The following ITGAM variants were observed in gnomAD, a reference collection of about 807,000 sequenced individuals.
ITGAM encodes the protein integrin subunit alpha M, also known as integrin alpha-M.
A neutral mutation model predicts 137.5 loss-of-function variants in ITGAM; 79 were observed. The ratio of observed to expected loss-of-function variants is 0.57; its 90% CI spans 0.48 to 0.69. ITGAM has a LOEUF of 0.69. ITGAM is among the 30% of genes least tolerant of loss of function. The pLI, the probability that ITGAM is intolerant of heterozygous loss-of-function variation, is 0.00. For synonymous variants in ITGAM, 583 were observed against 592.3 expected (o/e 0.98, Z 0.23); for missense variants, 1,343 against 1,483.5 (o/e 0.91, Z 1.56).
At chr16:31,325,674 T>A in intron 21 of ITGAM, 52 bp downstream of exon 21, 2 of 1,579,156 alleles carry the variant, frequency 1.3e-6, no homozygotes, top group Non-Finnish European at 1.7e-6. Context: ...CTTTGGGGAT[T>A]CTTTTCTTCT....
In ITGAM at chr16:31,325,368, G is replaced by C; in HGVS notation, c.2469G>C (p.Pro823=). 6.2e-7 allele frequency: 1 copy of C among 1,613,746 alleles called. No individual in the cohort carries two copies. Residue 823 remains proline, a synonymous_variant, in exon 20 of 30, where the codon CCG becomes CCC. Transcript: ENST00000544665. Reference sequence around the variant, plus strand: ...GGACACAGGTCACCTTCTTCTTCCCGCTTGACCTGTCCTACCGGAAGGTGT... The same window carrying C: ...GGACACAGGTCACCTTCTTCTTCCCCCTTGACCTGTCCTACCGGAAGGTGT... ...SYRTQVTFFF[P]LDLSYRKVST... is the part of the protein sequence containing the mutation.
Position 31,276,998 on chromosome 16 carries a change from A to G in ITGAM, c.1162A>G (p.Thr388Ala). The change falls in exon 11 of 30, where the codon ACC (threonine) becomes GCC (alanine). Residue 388 changes from threonine (T) to alanine (A), a missense_variant. Thr to Ala is a moderately conservative substitution (Grantham distance 58). Transcript: ENST00000544665. The part of the protein sequence containing the change: ...VFLYTSKEKS[T>A]FINMTRVDSD... ...TCTATATACATCAAAGGAGAAAAGC[A>G]CCTTCATCAACATGACCAGAGTGGA... 3 of 1,613,188 alleles carry G rather than the reference A, an allele frequency of 1.9e-6. No homozygotes were observed. Among genetic ancestry groups the G allele is most frequent in the Non-Finnish European group, 2.5e-6 (3 of 1,179,586 alleles).
chr16:31,296,696 C>T (rs947852914), intron 12 of ITGAM, among the ~76,000 whole-genome samples: 2 of 152,134 alleles, frequency 1.3e-5, no homozygotes, highest in Admixed American at 6.6e-5. Flanking sequence ...CCATTGATTA[C>T]TCTCCTCTCC....
chr16:31,275,553 G>C lies in ITGAM; in HGVS notation c.863G>C (p.Gly288Ala). The stretch of plus-strand genomic sequence containing the variant: ...GCCTCTGTTCCTTGGTAACAGGTGG[G>C]AGATGCCTTCCGCAGTGAGAAATCC... ...EGVIRYVIGV[G>A]DAFRSEKSRQ... The change falls in exon 9 of 30, where the codon GGA becomes GCA. Residue 288 changes from glycine (G) to alanine (A), a missense_variant. Physicochemically the swap from Gly to Ala is moderately conservative, Grantham distance 60 (BLOSUM62 0). Coordinates refer to ENST00000544665, the MANE Select transcript of ITGAM (RefSeq NM_000632.4). The C allele has an allele frequency of 6.2e-7, 1 of 1,613,898 alleles. No individual in the cohort carries two copies. The highest frequency in any genetic ancestry group is 8.5e-7 in the Non-Finnish European group (1 of 1,179,824).
chr16:31,274,092 A>G (rs1323636850), intron 8 of ITGAM, among the ~76,000 whole-genome samples: 1 of 152,162 alleles, frequency 6.6e-6, no homozygotes, highest in East Asian at 1.9e-4. Flanking sequence ...GTGTTTTTCC[A>G]CAACATCTTT....
chr16:31,282,602 C>T (rs1190432947), intron 12 of ITGAM, among the ~76,000 whole-genome samples: 3 of 152,100 alleles, frequency 2.0e-5, no homozygotes, highest in Admixed American at 6.6e-5. Flanking sequence ...TATTTTGAGC[C>T]TATGTGTGTC....
chr16:31,284,130 C>T (rs558624411), intron 12 of ITGAM, among the ~76,000 whole-genome samples: 5 of 152,286 alleles, frequency 3.3e-5, no homozygotes, highest in East Asian at 1.9e-4. Flanking sequence ...AGGTGTAAGT[C>T]GGCTCCTACT....
chr16:31,299,519 G>C (rs2080173279), intron 14 of ITGAM, among the ~76,000 whole-genome samples: 1 of 152,016 alleles, frequency 6.6e-6, no homozygotes, highest in Non-Finnish European at 1.5e-5. Flanking sequence ...ATGTTGTCCA[G>C]GCTGGTCTTG....
intron 12 of ITGAM, among the ~76,000 whole-genome samples, chr16:31,290,285 G>T (rs972151771): frequency 6.6e-6 from 1 of 152,030 alleles, no homozygotes; most frequent in East Asian, 1.9e-4. Context: ...AACAGGTAGA[G>T]AATTTCTTTC....
chr16:31,268,159 C>G (rs1666436754), intron 5 of ITGAM, among the ~76,000 whole-genome samples: 2 of 152,072 alleles, frequency 1.3e-5, no homozygotes, highest in African/African-American at 4.8e-5. Context: ...TCTCTTCACC[C>G]CCGGCTGGCC....
In ITGAM at chr16:31,328,147, T is replaced by C. The variant is rs1416755796; in HGVS notation, c.2709T>C (p.Ser903=). Residue 903 remains serine (S), a splice_region_variant and synonymous_variant, in exon 23 of 30, where the codon AGT becomes AGC. Transcript: ENST00000544665. ...NKLLLKANVT[S]ENNMPRTNKT... ...GCTGGAGCTCTTTCTTTCCCTCCAG[T>C]GAGAACAACATGCCCAGAACCAACA... is the stretch of plus-strand genomic sequence containing the variant. 6.2e-7 allele frequency: 1 copy of C among 1,612,944 alleles called. No homozygotes were observed. Among genetic ancestry groups the C allele is most frequent in the South Asian group, 1.1e-5 (1 of 91,064 alleles).
intron 14 of ITGAM, among the ~76,000 whole-genome samples, chr16:31,307,307 T>A (rs2080275025): frequency 6.6e-6 from 1 of 152,198 alleles, no homozygotes; most frequent in Non-Finnish European, 1.5e-5. Flanking sequence ...TTTGTTTGTA[T>A]CCTCTTTTAT....
chr16:31,265,831 A>C lies in ITGAM; in HGVS notation c.259A>C (p.Met87Leu). The C allele has an allele frequency of 3.7e-6, 6 of 1,613,794 alleles. No homozygotes were observed. The highest frequency in any genetic ancestry group is 4.2e-6 in the Non-Finnish European group (5 of 1,179,928). The change falls in exon 4 of 30, where the codon ATG (methionine) becomes CTG (leucine). Residue 87 changes from methionine to leucine, a missense_variant. By Grantham distance (15) the Met-to-Leu change is conservative. Coordinates refer to ENST00000544665, the MANE Select transcript of ITGAM (RefSeq NM_000632.4). ...RLQVPVEAVN[M>L]SLGLSLAATT... ...CGCAGTCCCCGTGGAGGCCGTGAAC[A>C]TGTCCCTGGGCCTGTCCCTGGCAGC...
intron 23 of ITGAM, chr16:31,328,891 T>C (rs1597042939): frequency 2.2e-6 from 1 of 451,248 alleles, no homozygotes; most frequent in East Asian, 4.5e-5. Flanking sequence ...CATGAGTGTG[T>C]ATTCGTGCAT....
chr16:31,322,257 G>C (rs1172520595), intron 16 of ITGAM, among the ~76,000 whole-genome samples: 1 of 152,080 alleles, frequency 6.6e-6, no homozygotes, highest in Non-Finnish European at 1.5e-5. Flanking sequence ...AGGAGGTTGA[G>C]GCCAGCCTGG....
At chr16:31,279,516 G>T (rs1056802721) in intron 12 of ITGAM, among the ~76,000 whole-genome samples, 15 of 152,232 alleles carry the variant, frequency 9.9e-5, no homozygotes, top group African/African-American at 3.1e-4. Context: ...TCATGTGTCT[G>T]TTGGCTGCAT....
intron 5 of ITGAM, among the ~76,000 whole-genome samples, chr16:31,268,428 A>C (rs2079793530): frequency 6.6e-6 from 1 of 152,184 alleles, no homozygotes; most frequent in Non-Finnish European, 1.5e-5. Context: ...TTGGGAGGTC[A>C]AGGCAGGAGG....
At chr16:31,269,732 A>T (rs1033274019) in intron 5 of ITGAM, among the ~76,000 whole-genome samples, 1 of 152,054 alleles carries the variant, frequency 6.6e-6, no homozygotes, top group African/African-American at 2.4e-5. Flanking sequence ...GGTTGAGGAG[A>T]GGGAGAGCTC....
chr16:31,292,044 A>G (rs1470777715), intron 12 of ITGAM, among the ~76,000 whole-genome samples: 1 of 152,088 alleles, frequency 6.6e-6, no homozygotes, highest in Admixed American at 6.6e-5. Flanking sequence ...AAAATATCAC[A>G]TGTTCCCTAT....
Sources: allele counts gnomAD v4.1 joint callset (sites outside exome capture counted in the v4.1 genomes callset), GRCh38; gene constraint gnomAD v4.1.1; transcripts MANE v1.5; gene names NCBI Gene and HGNC (gene_info 2026-07-23, HGNC 2026-07-21).